HIPK2: variants seen among roughly 807,000 people sequenced by gnomAD.
HIPK2 encodes the protein homeodomain interacting protein kinase 2, also known as homeodomain-interacting protein kinase 2.
In HIPK2, 27 loss-of-function variants were observed where a neutral mutation model predicts 113.7. The ratio of observed to expected loss-of-function variants is 0.24; its 90% confidence interval spans 0.17 to 0.33. The LOEUF (loss-of-function observed/expected upper bound fraction) is 0.33, where lower values mean the gene tolerates loss of function less well. Among genes scored for constraint, HIPK2 ranks in the 10% least tolerant of loss-of-function variants. The pLI is 1.00. For synonymous variants in HIPK2, 631 were observed against 642.2 expected (o/e 0.98, Z 0.26); for missense variants, 1,257 against 1,588.0 (o/e 0.79, Z 3.54).
At chr7:139,583,376 G>A (rs541007177) in intron 13 of HIPK2, 1 of 166,444 alleles carries the variant, frequency 6.0e-6, no homozygotes, top group Non-Finnish European at 1.3e-5. Flanking sequence ...GGGCTGAGAG[G>A]GGCCAATTTC....
At chr7:139,723,802 G>A (rs1462532023) in intron 1 of HIPK2, among the ~76,000 whole-genome samples, 1 of 152,166 alleles carries the variant, frequency 6.6e-6, no homozygotes, top group Non-Finnish European at 1.5e-5. Context: ...CTCTAAAATA[G>A]TGGCACCAAT....
At chr7:139,774,866 T>G (rs1796714111) in intron 1 of HIPK2, among the ~76,000 whole-genome samples, 1 of 152,192 alleles carries the variant, frequency 6.6e-6, no homozygotes, top group African/African-American at 2.4e-5. Flanking sequence ...GAAGTTCAGT[T>G]CCAAACCACC....
In HIPK2 at chr7:139,622,312, G is replaced by A. The variant is rs528889113; in HGVS notation, c.1620-1749C>T. ...AAAACATATTCTGCGGTATCCAGTA[G>A]GTAAAAATACTCCTAATAATGCTGT... On this transcript the variant is annotated intron_variant, in intron 6 of 14. Coordinates refer to ENST00000406875, the MANE Select transcript of HIPK2 (RefSeq NM_022740.5). 3.6e-3 allele frequency among the ~76,000 whole-genome samples: 545 copies of A among 152,298 alleles called. 2 individuals are homozygous for A. The highest frequency in any genetic ancestry group is 0.021 in the Middle Eastern group (6 of 292).
intron 1 of HIPK2, among the ~76,000 whole-genome samples, chr7:139,741,361 G>A (rs1429624046): frequency 6.6e-6 from 1 of 152,076 alleles, no homozygotes; most frequent in Non-Finnish European, 1.5e-5. Flanking sequence ...CTTTCACTCT[G>A]GACCCCATCC....
At chr7:139,587,698 G>A (rs2116582436) in intron 12 of HIPK2, among the ~76,000 whole-genome samples, 1 of 151,968 alleles carries the variant, frequency 6.6e-6, no homozygotes, top group East Asian at 1.9e-4. Context: ...GGGCAACACA[G>A]TGAGATCCCA....
At position 139,571,648 on chromosome 7, in the gene HIPK2, TAA is replaced by T. The variant is rs1569439171; in HGVS notation, c.*1277_*1278del. The T allele has an allele frequency of 6.7e-6, 1 of 150,366 alleles. No homozygotes were observed. Among genetic ancestry groups the T allele is most frequent in the Non-Finnish European group, 1.5e-5 (1 of 67,604 alleles). The allele number at this position is 150,366 out of a possible 1,614,324, so 9.3% of individuals were successfully genotyped here. ...GGAAAGACAACGGGCATTAACATTT[TAA>T]AAAGAAAAAGAAAAAGAAAAAAAAA... On this transcript the variant is annotated 3_prime_UTR_variant, in exon 15 of 15. Coordinates refer to ENST00000406875, the MANE Select transcript of HIPK2 (RefSeq NM_022740.5).
In HIPK2 at chr7:139,631,485, G is replaced by C. The variant is rs1033779922; in HGVS notation, c.1227+117C>G. On this transcript the variant is annotated intron_variant, in intron 3 of 14. Transcript: ENST00000406875. This position sits in a 1 kb window ranked among gnomAD's most constrained non-coding sequence, Gnocchi z 4.9. ...AGGTTAAGGGAAGCAAGGTTTGGGA[G>C]ACAACGTGACATTCCACAGTCCCGC... is the stretch of plus-strand genomic sequence containing the variant. The C allele has an allele frequency of 6.8e-7, 1 of 1,473,922 alleles. No individual in the cohort carries two copies. Among genetic ancestry groups the C allele is most frequent in the Middle Eastern group, 2.0e-4 (1 of 4,936 alleles). 91.3% of individuals were successfully genotyped at this position (1,473,922 alleles called of 1,614,324 possible). A position where few individuals can be genotyped will look rare whatever the true frequency, so the allele number is the denominator to read the frequency against.
At chr7:139,749,009 A>C (rs1420115897) in intron 1 of HIPK2, among the ~76,000 whole-genome samples, 1 of 152,244 alleles carries the variant, frequency 6.6e-6, no homozygotes, top group Non-Finnish European at 1.5e-5. Flanking sequence ...TCGATTTAAC[A>C]AGGTCCAAGA....
chr7:139,743,569 G>C (rs368439895), intron 1 of HIPK2, among the ~76,000 whole-genome samples: 1 of 152,178 alleles, frequency 6.6e-6, no homozygotes, highest in African/African-American at 2.4e-5. Context: ...AATCAGTGCA[G>C]TTACCCCCTA....
At chr7:139,743,276 A>G (rs1796136064) in intron 1 of HIPK2, among the ~76,000 whole-genome samples, 1 of 152,264 alleles carries the variant, frequency 6.6e-6, no homozygotes, top group South Asian at 2.1e-4. Context: ...AACAAAGTAC[A>G]GATCACATCT....
At position 139,694,464 on chromosome 7, in the gene HIPK2, C is replaced by T. The variant is rs948924940; in HGVS notation, c.1103+21468G>A. On this transcript the variant is annotated intron_variant, in intron 2 of 14. Coordinates refer to ENST00000406875, the MANE Select transcript of HIPK2 (RefSeq NM_022740.5). The stretch of plus-strand genomic sequence containing the variant: ...TCCTCCCAAGGCAGGACCAAAGGCA[C>T]GGGGCACTGTCATGCTGAGGGGTCA... Among the ~76,000 whole-genome samples the T allele has an allele frequency of 7.9e-5, 12 of 152,154 alleles. No homozygotes were observed. In the South Asian group the frequency reaches 8.3e-4, roughly 10 times the overall value.
rs575667461 is a variant in HIPK2 at position 139,578,096 on chromosome 7, G to A, written c.2966-2808C>T. Among the ~76,000 whole-genome samples, 40 of 152,154 alleles carry A rather than the reference G, an allele frequency of 2.6e-4. No individual in the cohort carries two copies. In the South Asian group the frequency reaches 7.5e-3, roughly 28 times the overall value. Reference sequence around the variant, plus strand: ...GTGATCTCAGCTCACTGCAGCCTCCGCCTCCCGGGTTCAAGTGATTCTCCT... The same window carrying A: ...GTGATCTCAGCTCACTGCAGCCTCCACCTCCCGGGTTCAAGTGATTCTCCT... On this transcript the variant is annotated intron_variant, in intron 13 of 14. Coordinates refer to ENST00000406875, the MANE Select transcript of HIPK2 (RefSeq NM_022740.5).
At chr7:139,718,538 C>T (rs1211840501) in intron 1 of HIPK2, among the ~76,000 whole-genome samples, 1 of 152,198 alleles carries the variant, frequency 6.6e-6, no homozygotes, top group Admixed American at 6.5e-5. Flanking sequence ...TTCATTCCTT[C>T]TCTCCAGTCT....
At chr7:139,678,146 A>C (rs1247181320) in intron 2 of HIPK2, among the ~76,000 whole-genome samples, 1 of 152,176 alleles carries the variant, frequency 6.6e-6, no homozygotes, top group Non-Finnish European at 1.5e-5. Context: ...ATAGATTGCA[A>C]AATTTTTCTC....
chr7:139,600,341 T>C (rs1799377468), intron 11 of HIPK2, 76 bp downstream of exon 11: 5 of 1,502,426 alleles, frequency 3.3e-6, no homozygotes, highest in Non-Finnish European at 4.5e-6. Context: ...TGGGTGCTGA[T>C]ACTCCCTAAA....
chr7:139,640,680 C>T lies in HIPK2; in HGVS notation c.1104-8955G>A, dbSNP rs537933673. ...TTTTTTTCTTTTTGAGACAGGGTCT[C>T]GCTCTGTTGTCCAGGCTGGAGTGCA... On this transcript the variant is annotated intron_variant, in intron 2 of 14. Transcript: ENST00000406875. 3.9e-5 allele frequency among the ~76,000 whole-genome samples: 6 copies of T among 152,156 alleles called. No individual in the cohort carries two copies. The South Asian group carries it at 8.3e-4, about 21-fold the overall frequency.
At chr7:139,605,570 G>A (rs1327921292) in intron 9 of HIPK2, among the ~76,000 whole-genome samples, 3 of 152,130 alleles carry the variant, frequency 2.0e-5, no homozygotes, top group African/African-American at 7.2e-5. Context: ...ACAGATTTGA[G>A]TCAGGGCCTA....
Position 139,567,817 on chromosome 7 carries a change from A to G in HIPK2, c.*5110T>C, listed in dbSNP as rs938213635. 6.6e-6 allele frequency: 1 copy of G among 151,958 alleles called. No homozygotes were observed. The highest frequency in any genetic ancestry group is 2.4e-5 in the African/African-American group (1 of 41,316). 9.4% of individuals were successfully genotyped at this position (151,958 alleles called of 1,614,324 possible). Reference sequence around the variant, plus strand: ...AGCACCGAGCCATTTCCTTCTTTCCATTTTCTGTCCTAGGGTCTACTTGAC... The same window carrying G: ...AGCACCGAGCCATTTCCTTCTTTCCGTTTTCTGTCCTAGGGTCTACTTGAC... On this transcript the variant is annotated 3_prime_UTR_variant, in exon 15 of 15. Transcript: ENST00000406875.
At chr7:139,686,095 GACGTCAAC>G (rs1190766053) in intron 2 of HIPK2, among the ~76,000 whole-genome samples, 7 of 152,176 alleles carry the variant, frequency 4.6e-5, no homozygotes, top group Non-Finnish European at 1.0e-4. Flanking sequence ...TTCATGGAAA[GACGTCAAC>G]ATGTCAACAT....
Sources: gnomAD v4.1 joint callset for allele counts (sites outside exome capture counted in the v4.1 genomes callset) on GRCh38, gnomAD v4.1.1 for gene constraint, Gnocchi (gnomAD v3.1) non-coding constraint, MANE v1.5 for transcripts, NCBI Gene and HGNC (gene_info 2026-07-23, HGNC 2026-07-21) for gene names.